Variants in SOX6 observed in about 807,000 individuals in gnomAD.
SOX6 encodes SRY-box transcription factor 6, also known as transcription factor SOX-6.
In SOX6, 11 loss-of-function variants were observed where a neutral mutation model predicts 97.8. The observed-to-expected ratio is 0.11, with a 90% CI of 0.07 to 0.19. The LOEUF (loss-of-function observed/expected upper bound fraction) is 0.19, where lower values mean the gene tolerates loss of function less well. Ranked by LOEUF, SOX6 falls within the 10% of genes least tolerant of loss-of-function variation. The pLI is 1.00. For synonymous variants in SOX6, 360 were observed against 371.4 expected (o/e 0.97, Z 0.35); for missense variants, 810 against 1,039.5 (o/e 0.78, Z 3.04).
At chr11:16,060,418 T>C (rs1181112178) in intron 9 of SOX6, among the ~76,000 whole-genome samples, 3 of 151,870 alleles carry the variant, frequency 2.0e-5, no homozygotes, top group African/African-American at 4.8e-5. Context: ...ATAATCCTTT[T>C]CAAAGCTGAG....
chr11:16,111,998 G>A, intron 6 of SOX6, 75 bp from the exon 7 acceptor site: 1 of 1,589,220 alleles, frequency 6.3e-7, no homozygotes, highest in South Asian at 1.1e-5. Context: ...TTCACTCCTG[G>A]TGGTGTGCTG....
chr11:16,258,036 G>C (rs1400507466), intron 3 of SOX6, among the ~76,000 whole-genome samples: 2 of 151,812 alleles, frequency 1.3e-5, no homozygotes, highest in African/African-American at 4.8e-5. Context: ...CTATTAGAAG[G>C]AACAAAATAG....
At chr11:16,131,113 G>A (rs527382670) in intron 6 of SOX6, among the ~76,000 whole-genome samples, 6 of 151,534 alleles carry the variant, frequency 4.0e-5, no homozygotes, top group Non-Finnish European at 8.9e-5. Context: ...TGGTAGAATG[G>A]GTGTCATTAA....
intron 3 of SOX6, among the ~76,000 whole-genome samples, chr11:16,257,885 T>A (rs1853741348): frequency 6.6e-6 from 1 of 151,698 alleles, no homozygotes; most frequent in Non-Finnish European, 1.5e-5. Flanking sequence ...AATTAAAAAA[T>A]GGTAAAAGAC....
intron 3 of SOX6, among the ~76,000 whole-genome samples, chr11:16,259,945 ATGTGTG>A (rs5789946): frequency 1.1e-4 from 17 of 149,036 alleles, no homozygotes; most frequent in African/African-American, 3.7e-4. Context: ...TGTCCCAAAT[ATGTGTG>A]TGTGTGTGTG....
chr11:16,152,830 A>C (rs1215686272), intron 6 of SOX6, among the ~76,000 whole-genome samples: 2 of 151,832 alleles, frequency 1.3e-5, no homozygotes, highest in Non-Finnish European at 2.9e-5. Context: ...CAGCCTCCCG[A>C]GTAGCTGGGA....
intron 6 of SOX6, among the ~76,000 whole-genome samples, chr11:16,155,127 T>C (rs1850563497): frequency 6.6e-6 from 1 of 152,108 alleles, no homozygotes; most frequent in Non-Finnish European, 1.5e-5. Context: ...AATTCCCAAC[T>C]TGGCAAATGA....
chr11:16,722,069 T>A (rs1416245393), intron 2 of SOX6, among the ~76,000 whole-genome samples: 2 of 151,712 alleles, frequency 1.3e-5, no homozygotes. Flanking sequence ...AACCAAAAAC[T>A]ATAAAAACCC....
At chr11:16,000,898 C>A (rs1854387615) in intron 13 of SOX6, among the ~76,000 whole-genome samples, 1 of 151,836 alleles carries the variant, frequency 6.6e-6, no homozygotes, top group Non-Finnish European at 1.5e-5. Context: ...ACTCTGTCAC[C>A]CAGGCTGGAG....
intron 3 of SOX6, among the ~76,000 whole-genome samples, chr11:16,236,294 G>A (rs1469439175): frequency 1.3e-5 from 2 of 151,906 alleles, no homozygotes; most frequent in East Asian, 3.9e-4. Flanking sequence ...TCAGAAATGA[G>A]ATATATATTT....
chr11:16,520,458 T>C (rs1253229605), intron 4 of SOX6, among the ~76,000 whole-genome samples: 1 of 152,228 alleles, frequency 6.6e-6, no homozygotes, highest in Non-Finnish European at 1.5e-5. Flanking sequence ...CCAAATTCTA[T>C]TCACCAGGTT....
At chr11:16,236,836 C>T (rs1483407455) in intron 3 of SOX6, among the ~76,000 whole-genome samples, 2 of 151,970 alleles carry the variant, frequency 1.3e-5, no homozygotes, top group African/African-American at 2.4e-5. Flanking sequence ...GGAATACACA[C>T]TTAAACCATG....
intron 1 of SOX6, among the ~76,000 whole-genome samples, chr11:16,384,020 G>A (rs1450743193): frequency 6.6e-6 from 1 of 151,894 alleles, no homozygotes; most frequent in Non-Finnish European, 1.5e-5. Context: ...AACAGCTCAG[G>A]AATCAGATGT....
At chr11:16,083,758 A>G (rs1280957785) in intron 9 of SOX6, among the ~76,000 whole-genome samples, 1 of 152,220 alleles carries the variant, frequency 6.6e-6, no homozygotes, top group Non-Finnish European at 1.5e-5. Context: ...ATAGCACTTG[A>G]CAGTGTATAA....
chr11:16,230,986 T>G (rs1852830402), intron 4 of SOX6, among the ~76,000 whole-genome samples: 1 of 151,742 alleles, frequency 6.6e-6, no homozygotes, highest in Non-Finnish European at 1.5e-5. Flanking sequence ...GTTAACTGCT[T>G]GAGAATAAAA....
intron 4 of SOX6, among the ~76,000 whole-genome samples, chr11:16,561,242 T>G (rs1178377437): frequency 1.3e-5 from 2 of 152,078 alleles, no homozygotes; most frequent in Admixed American, 1.3e-4. Flanking sequence ...AACTAAGTAT[T>G]CCTATCTACC....
chr11:16,212,305 C>A (rs1852253723), intron 4 of SOX6, among the ~76,000 whole-genome samples: 1 of 151,966 alleles, frequency 6.6e-6, no homozygotes, highest in South Asian at 2.1e-4. Context: ...ACATTTAATC[C>A]ACTAAATTTA....
intron 1 of SOX6, among the ~76,000 whole-genome samples, chr11:16,375,935 A>G (rs1303849876): frequency 6.6e-6 from 1 of 152,134 alleles, no homozygotes; most frequent in Non-Finnish European, 1.5e-5. Flanking sequence ...GGGACAGAAA[A>G]TCAAACACCG....
intron 1 of SOX6, among the ~76,000 whole-genome samples, chr11:16,420,974 A>G (rs1859009652): frequency 6.6e-6 from 1 of 152,196 alleles, no homozygotes; most frequent in African/African-American, 2.4e-5. Context: ...TCAGGTAAAA[A>G]GGGCCAAACT....
Sources: gnomAD v4.1 joint callset for allele counts (sites outside exome capture counted in the v4.1 genomes callset) on GRCh38, gnomAD v4.1.1 for gene constraint, MANE v1.5 for transcripts, NCBI Gene and HGNC (gene_info 2026-07-23, HGNC 2026-07-21) for gene names.